Variants in MYO3B observed in about 807,000 individuals in gnomAD.
MYO3B encodes the protein myosin IIIB, also known as myosin-IIIb.
A neutral mutation model predicts 174.6 loss-of-function variants in MYO3B; 156 were observed. The observed-to-expected ratio is 0.89, with a 90% CI of 0.78 to 1.02. The LOEUF is 1.02. Among genes scored for constraint, MYO3B ranks in the 50% least tolerant of loss-of-function variants. MYO3B has a pLI of 0.00. For missense variants in MYO3B, 1,632 were observed against 1,639.4 expected, an observed-to-expected ratio of 1.00 and a Z score of 0.08; for synonymous variants, 563 against 569.1, an observed-to-expected ratio of 0.99 and a Z score of 0.15.
chr2:170,552,513 G>A (rs1690988996), intron 32 of MYO3B, among the ~76,000 whole-genome samples: 2 of 152,212 alleles, frequency 1.3e-5, no homozygotes, highest in Non-Finnish European at 2.9e-5. Context: ...AAGCAGCAAA[G>A]CATTCAAGAG....
intron 23 of MYO3B, among the ~76,000 whole-genome samples, chr2:170,453,380 A>C (rs1230068530): frequency 6.7e-6 from 1 of 149,618 alleles, no homozygotes. Flanking sequence ...ATACCTTTGC[A>C]GAAGAGACTA....
intron 16 of MYO3B, among the ~76,000 whole-genome samples, chr2:170,398,051 A>C (rs1004308900): frequency 6.6e-6 from 1 of 151,808 alleles, no homozygotes; most frequent in Non-Finnish European, 1.5e-5. Flanking sequence ...GTGAAATGCC[A>C]TCTCTACTAA....
intron 28 of MYO3B, among the ~76,000 whole-genome samples, chr2:170,506,536 C>T (rs186628581): frequency 3.4e-4 from 52 of 152,296 alleles, no homozygotes; most frequent in Admixed American, 1.7e-3. Flanking sequence ...GGGGCTCCCA[C>T]GGTAAACAAT....
chr2:170,258,871 T>C (rs1038052133), intron 7 of MYO3B, among the ~76,000 whole-genome samples: 1 of 152,144 alleles, frequency 6.6e-6, no homozygotes, highest in Non-Finnish European at 1.5e-5. Context: ...CAGTAAAGCT[T>C]CAGGATACAA....
At chr2:170,471,652 ACT>A (rs1684984069) in intron 25 of MYO3B, among the ~76,000 whole-genome samples, 1 of 152,176 alleles carries the variant, frequency 6.6e-6, no homozygotes, top group Non-Finnish European at 1.5e-5. Context: ...TGTTGAAAAT[ACT>A]GTTATTTCCT....
intron 32 of MYO3B, among the ~76,000 whole-genome samples, chr2:170,630,930 TA>T (rs1336336980): frequency 7.2e-5 from 11 of 152,262 alleles, no homozygotes; most frequent in African/African-American, 2.4e-4. Context: ...CAAAGGTAGA[TA>T]AAACCACAAA....
At chr2:170,609,596 C>A (rs538056632) in intron 32 of MYO3B, among the ~76,000 whole-genome samples, 1 of 152,224 alleles carries the variant, frequency 6.6e-6, no homozygotes, top group Non-Finnish European at 1.5e-5. Flanking sequence ...CTCAAACTAG[C>A]GTAGACCAAA....
At chr2:170,247,801 A>C (rs2093208098) in intron 7 of MYO3B, among the ~76,000 whole-genome samples, 1 of 152,200 alleles carries the variant, frequency 6.6e-6, no homozygotes, top group South Asian at 2.1e-4. Context: ...GTCTGTCCTC[A>C]TGACCCAATT....
At chr2:170,469,874 G>C (rs554599669) in intron 25 of MYO3B, among the ~76,000 whole-genome samples, 4 of 152,016 alleles carry the variant, frequency 2.6e-5, no homozygotes, top group Non-Finnish European at 5.9e-5. Context: ...AGGCTGAGGA[G>C]GGTGGATCAC....
chr2:170,519,363 G>T (rs1464082451), intron 29 of MYO3B, 75 bp from the exon 30 acceptor site: 16 of 1,117,802 alleles, frequency 1.4e-5, no homozygotes, highest in Admixed American at 1.9e-5. Flanking sequence ...GGGCTGCAGA[G>T]AGTGTAGATG....
chr2:170,652,536 G>T (rs374908757), intron 34 of MYO3B, among the ~76,000 whole-genome samples: 24 of 152,232 alleles, frequency 1.6e-4, no homozygotes, highest in Non-Finnish European at 1.8e-4. Flanking sequence ...CATGGACAAG[G>T]AGAAACATGC....
intron 30 of MYO3B, among the ~76,000 whole-genome samples, chr2:170,528,467 G>A (rs752081852): frequency 2.6e-5 from 4 of 152,108 alleles, no homozygotes; most frequent in African/African-American, 7.2e-5. Context: ...GTGCAGTGGC[G>A]CAATCTCAGC....
At chr2:170,593,299 C>T (rs1179445170) in intron 32 of MYO3B, among the ~76,000 whole-genome samples, 2 of 152,104 alleles carry the variant, frequency 1.3e-5, no homozygotes, top group African/African-American at 4.8e-5. Context: ...GACAAGGTCT[C>T]GCTATGTTGC....
chr2:170,394,121 C>T (rs1210552178), intron 16 of MYO3B, among the ~76,000 whole-genome samples: 1 of 152,074 alleles, frequency 6.6e-6, no homozygotes, highest in African/African-American at 2.4e-5. Flanking sequence ...TCTTTGAGTA[C>T]AAATATAGTT....
rs1487278019 is a variant in MYO3B, at chr2:170,206,746, A to T, written c.321+6462A>T. Among the ~76,000 whole-genome samples, 1 of 152,082 alleles carries T rather than the reference A, an allele frequency of 6.6e-6. No individual in the cohort carries two copies. The highest frequency in any genetic ancestry group is 1.9e-4 in the East Asian group (1 of 5,196). ...TCCCTCTCCCTTTTCCCTGGGTGGC[A>T]TCTGGATCTGGGTACAAGTAGATGC... On this transcript the variant is annotated intron_variant, in intron 3 of 34. Transcript: ENST00000408978. This position sits in a 1 kb window ranked among gnomAD's most constrained non-coding sequence, Gnocchi z 4.3.
intron 7 of MYO3B, among the ~76,000 whole-genome samples, chr2:170,299,946 G>T (rs760913552): frequency 1.2e-4 from 18 of 152,156 alleles, no homozygotes; most frequent in Non-Finnish European, 2.5e-4. Context: ...TGAGATTGTA[G>T]CATCGCAGTG....
At chr2:170,420,870 ACCACACCTCC>A (rs1182711605) in intron 22 of MYO3B, among the ~76,000 whole-genome samples, 6 of 151,840 alleles carry the variant, frequency 4.0e-5, no homozygotes, top group African/African-American at 1.5e-4. Context: ...ACCCCTCATC[ACCACACCTCC>A]CAACCCTGCC....
intron 32 of MYO3B, among the ~76,000 whole-genome samples, chr2:170,558,073 G>A (rs943824000): frequency 2.0e-5 from 3 of 152,134 alleles, no homozygotes; most frequent in Non-Finnish European, 4.4e-5. Context: ...AGACCAAGGC[G>A]GGCGGATCAC....
intron 6 of MYO3B, among the ~76,000 whole-genome samples, chr2:170,222,031 G>A (rs990352993): frequency 3.3e-5 from 5 of 152,186 alleles, no homozygotes; most frequent in Admixed American, 6.5e-5. Flanking sequence ...TAAGTTTCTC[G>A]TATAATAAGA....
Sources: allele counts gnomAD v4.1 joint callset (sites outside exome capture counted in the v4.1 genomes callset), GRCh38; gene constraint gnomAD v4.1.1; non-coding constraint Gnocchi (gnomAD v3.1); transcripts MANE v1.5; gene names NCBI Gene and HGNC (gene_info 2026-07-23, HGNC 2026-07-21).